Variants in KRT79 observed in about 807,000 individuals in gnomAD.
The protein encoded by KRT79 is keratin, type II cytoskeletal 79.
A neutral mutation model predicts 49.0 loss-of-function variants in KRT79; 51 were observed. The observed-to-expected ratio is 1.04, with a 90% confidence interval of 0.83 to 1.31. The LOEUF (loss-of-function observed/expected upper bound fraction) is 1.31. Ranked by LOEUF, KRT79 falls within the 40% of genes most tolerant of loss-of-function variation. KRT79 has a pLI of 0.00. For missense variants in KRT79, 728 were observed against 688.0 expected, an observed-to-expected ratio of 1.06 and a Z score of -0.65; for synonymous variants, 312 against 286.6, an observed-to-expected ratio of 1.09 and a Z score of -0.90.
At position 52,821,644 on chromosome 12, in the gene KRT79, T is replaced by C. The variant is rs964386957; in HGVS notation, c.*228A>G. On this transcript the variant is annotated 3_prime_UTR_variant, in exon 9 of 9. Coordinates refer to ENST00000330553, the MANE Select transcript of KRT79 (RefSeq NM_175834.3). ...GTCACCCCCAAGTCACCCAAGCACA[T>C]CACTCAAGCTGGCAACTTTAACCTT... The C allele has an allele frequency of 2.1e-5, 12 of 566,130 alleles. No homozygotes were observed. Among genetic ancestry groups the C allele is most frequent in the African/African-American group, 2.1e-4 (11 of 52,980 alleles). 35.1% of individuals were successfully genotyped at this position (566,130 alleles called of 1,614,324 possible). A position where few individuals can be genotyped will look rare whatever the true frequency, so the allele number is the denominator to read the frequency against.
intron 4 of KRT79, 73 bp from the exon 5 acceptor site, chr12:52,824,435 T>C: frequency 6.7e-7 from 1 of 1,497,590 alleles, no homozygotes; most frequent in Non-Finnish European, 9.1e-7. Flanking sequence ...GTGAAGGACA[T>C]GGGCCCCCAG....
chr12:52,822,001 A>G lies in KRT79; in HGVS notation c.1479T>C (p.Ser493=). The change falls in exon 9 of 9, where the codon AGT becomes AGC. Residue 493 remains serine (S), a synonymous_variant. Transcript: ENST00000330553. ...SFGGGISLGG[S]GGATKGGFST... ...TGAATCCACCCTTGGTGGCCCCCCC[A>G]CTCCCACCCAGGGAGATGCCACCTC... The G allele has an allele frequency of 1.2e-6, 2 of 1,613,118 alleles. No individual in the cohort carries two copies. The highest frequency in any genetic ancestry group is 1.7e-6 in the Non-Finnish European group (2 of 1,179,740).
In KRT79 at chr12:52,831,364, C is replaced by T. The variant is rs1022375501; in HGVS notation, c.698+42G>A. On this transcript the variant is annotated intron_variant, in intron 2 of 8. Transcript: ENST00000330553. ...CCTCTTGGCAGGTTTCCCACTGCCCCTCCTCACTCCCACATGGCCCCGCCT... is the reference window on the plus strand; with the variant it reads ...CCTCTTGGCAGGTTTCCCACTGCCCTTCCTCACTCCCACATGGCCCCGCCT... 1.9e-6 allele frequency: 3 copies of T among 1,585,820 alleles called. No individual in the cohort carries two copies. In the African/African-American group the frequency reaches 4.0e-5, roughly 21 times the overall value.
rs759095367 is a variant in KRT79, at chr12:52,822,092, G to A, written c.1403-15C>T. 6.2e-7 allele frequency: 1 copy of A among 1,613,130 alleles called. No individual in the cohort carries two copies. The highest frequency in any genetic ancestry group is 1.1e-5 in the South Asian group (1 of 91,070). ...GCCAGTCACAGCTGCAAAGCAAAGG[G>A]TCTGGATTAGTCAGGGCGGCCATGC... On this transcript the variant is annotated splice_polypyrimidine_tract_variant and intron_variant, in intron 8 of 8. Transcript: ENST00000330553.
intron 1 of KRT79, 56 bp downstream of exon 1, chr12:52,833,728 A>G: frequency 1.4e-6 from 2 of 1,420,660 alleles, no homozygotes; most frequent in Non-Finnish European, 2.0e-6. Context: ...CCCACCCTCT[A>G]TTAGAGGTCC....
chr12:52,831,842 C>A (rs1940261040), intron 1 of KRT79, among the ~76,000 whole-genome samples: 1 of 152,228 alleles, frequency 6.6e-6, no homozygotes, highest in African/African-American at 2.4e-5. Context: ...TTAATAAGCA[C>A]AAAAGCCCAG....
Position 52,831,589 on chromosome 12 carries a change from G to T in KRT79, c.515C>A (p.Thr172Asn). The T allele has an allele frequency of 6.2e-7, 1 of 1,614,214 alleles. No homozygotes were observed. ...CTGCTCCTGCAGCAGTGCCCACTTG[G>T]TCTCCAGCACCTTATTCTGTTGCTC... The part of the protein sequence containing the change: ...FLEQQNKVLE[T>N]KWALLQEQGQ... The change falls in exon 2 of 9, where the codon ACC (threonine) becomes AAC (asparagine). Residue 172 changes from threonine to asparagine, a missense_variant. Physicochemically the swap from Thr to Asn is moderately conservative, Grantham distance 65. Coordinates refer to ENST00000330553, the MANE Select transcript of KRT79 (RefSeq NM_175834.3).
intron 2 of KRT79, 178 bp from the exon 3 acceptor site, chr12:52,830,470 TTC>T (rs1174842787): frequency 1.7e-6 from 1 of 592,384 alleles, no homozygotes; most frequent in African/African-American, 1.9e-5. Context: ...GATTTAAACA[TTC>T]TCTCTCCCCA....
rs774268069 is a variant in KRT79, at chr12:52,834,002, C to A, written c.259G>T (p.Gly87Cys). ...AATGCCCTGCTGCCAAAGCCAAAGC[C>A]CCCCAGAGCCCGCCCCAACAAGGCC... ...GGALLGRALG[G>C]FGFGSRAFMG... The change falls in exon 1 of 9, where the codon GGC becomes TGC. Residue 87 changes from glycine (G) to cysteine (C), a missense_variant. Coordinates refer to ENST00000330553, the MANE Select transcript of KRT79 (RefSeq NM_175834.3). 1.3e-4 allele frequency: 203 copies of A among 1,612,170 alleles called. No homozygotes were observed. The highest frequency in any genetic ancestry group is 1.6e-4 in the Non-Finnish European group (189 of 1,179,062).
intron 6 of KRT79, 120 bp from the exon 7 acceptor site, chr12:52,823,356 G>A (rs1477551935): frequency 1.2e-6 from 1 of 801,172 alleles, no homozygotes; most frequent in African/African-American, 1.7e-5. Context: ...CTGGGAAAGA[G>A]AGAAGAGAAA....
chr12:52,821,557 A>T lies in KRT79; in HGVS notation c.*315T>A. On this transcript the variant is annotated 3_prime_UTR_variant, in exon 9 of 9. Transcript: ENST00000330553. ...GGAGGTTGAAGGGTCTTTGGGGACC[A>T]CTCCCAATTTCTCTCTCTCCTAATG... The T allele has an allele frequency of 2.7e-6, 1 of 372,992 alleles. No homozygotes were observed. The highest frequency in any genetic ancestry group is 5.0e-6 in the Non-Finnish European group (1 of 200,812). 23.1% of individuals were successfully genotyped at this position (372,992 alleles called of 1,614,324 possible). A position where few individuals can be genotyped will look rare whatever the true frequency, so the allele number is the denominator to read the frequency against.
chr12:52,824,461 C>T, intron 4 of KRT79, 99 bp from the exon 5 acceptor site: 1 of 1,241,672 alleles, frequency 8.1e-7, no homozygotes, highest in Non-Finnish European at 1.1e-6. Context: ...ATCAGGAGGC[C>T]TGTGCTCTTG....
Position 52,823,241 on chromosome 12 carries a change from C to G in KRT79, c.1147-5G>C. 6.2e-7 allele frequency: 1 copy of G among 1,613,454 alleles called. No individual in the cohort carries two copies. The highest frequency in any genetic ancestry group is 8.5e-7 in the Non-Finnish European group (1 of 1,179,514). Reference sequence around the variant, plus strand: ...GGCCGTCTGCAGCTGCTGACACTGCCCAGGGGAGAAAGGTGTTGGAAGCAC... The same window carrying G: ...GGCCGTCTGCAGCTGCTGACACTGCGCAGGGGAGAAAGGTGTTGGAAGCAC... On this transcript the variant is annotated splice_region_variant and splice_polypyrimidine_tract_variant and intron_variant, in intron 6 of 8. Coordinates refer to ENST00000330553, the MANE Select transcript of KRT79 (RefSeq NM_175834.3).
chr12:52,823,090 C>T lies in KRT79; in HGVS notation c.1293G>A (p.Glu431=), dbSNP rs181303349. 18 of 1,614,216 alleles carry T rather than the reference C, an allele frequency of 1.1e-5. No homozygotes were observed. The East Asian group carries it at 3.8e-4, about 34-fold the overall frequency. Residue 431 remains glutamate, a synonymous_variant, in exon 7 of 9, where the codon GAG becomes GAA. Transcript: ENST00000330553. ...CCAGGGCCAGCTTGACATTCATCAG[C>T]TCCTGGTAGTCACGCAGCAGCCGTG... ...DLTRLLRDYQ[E]LMNVKLALDV...
intron 4 of KRT79, among the ~76,000 whole-genome samples, chr12:52,826,800 G>C (rs1940181941): frequency 6.6e-6 from 1 of 152,176 alleles, no homozygotes. Flanking sequence ...TCATCCCCCA[G>C]ATTGCCGTGG....
rs1940232589 is a variant in KRT79, at chr12:52,830,213, C to G, written c.759+19G>C. ...CCCTGGCAGCCAAAGGACCACCTCC[C>G]CCACTCCACTCGGCTCACCTTCTTG... is the stretch of plus-strand genomic sequence containing the variant. On this transcript the variant is annotated intron_variant, in intron 3 of 8. Coordinates refer to ENST00000330553, the MANE Select transcript of KRT79 (RefSeq NM_175834.3). 1 of 1,614,124 alleles carries G rather than the reference C, an allele frequency of 6.2e-7. No individual in the cohort carries two copies. The highest frequency in any genetic ancestry group is 2.2e-5 in the East Asian group (1 of 44,870).
At chr12:52,822,969 G>A (rs1443411360) in intron 7 of KRT79, 47 bp downstream of exon 7, 9 of 1,587,716 alleles carry the variant, frequency 5.7e-6, no homozygotes, top group Middle Eastern at 4.3e-4. Context: ...CTCTCCCCCA[G>A]GGCAGGCCCG....
In KRT79 at chr12:52,833,579, C is replaced by T. The variant is rs575219028; in HGVS notation, c.477+205G>A. Among the ~76,000 whole-genome samples the T allele has an allele frequency of 2.6e-5, 4 of 152,242 alleles. No homozygotes were observed. The South Asian group carries it at 8.3e-4, about 32-fold the overall frequency. On this transcript the variant is annotated intron_variant, in intron 1 of 8. Coordinates refer to ENST00000330553, the MANE Select transcript of KRT79 (RefSeq NM_175834.3). ...GGACTCATGAGTAGACTGGAGACTC[C>T]CCCCGCACAGGCACGGTGAAGACCT...
chr12:52,833,846 G>A lies in KRT79; in HGVS notation c.415C>T (p.Arg139Cys), dbSNP rs140167313. Residue 139 changes from arginine (R) to cysteine (C), a missense_variant, in exon 1 of 9, where the codon CGC (arginine) becomes TGC (cysteine). Coordinates refer to ENST00000330553, the MANE Select transcript of KRT79 (RefSeq NM_175834.3). ...VEIDPEIQRV[R>C]TQEREQIKTL... The stretch of plus-strand genomic sequence containing the variant: ...TTGATCTGCTCCCGCTCCTGAGTGC[G>A]CACTCGCTGGATCTCGGGGTCAATC... 1.8e-4 allele frequency: 295 copies of A among 1,613,924 alleles called. No homozygotes were observed. The highest frequency in any genetic ancestry group is 2.2e-4 in the Non-Finnish European group (260 of 1,179,980).
Sources: gnomAD v4.1 joint callset for allele counts (sites outside exome capture counted in the v4.1 genomes callset) on GRCh38, gnomAD v4.1.1 for gene constraint, MANE v1.5 for transcripts, NCBI Gene and HGNC (gene_info 2026-07-23, HGNC 2026-07-21) for gene names.